The following HERC3 variants were observed in gnomAD, a reference collection of about 807,000 sequenced individuals.
HERC3 encodes the protein probable E3 ubiquitin-protein ligase HERC3.
In HERC3, 58 loss-of-function variants were observed where a neutral mutation model predicts 129.9. The ratio of observed to expected loss-of-function variants is 0.45; its 90% CI spans 0.36 to 0.56. The LOEUF is 0.56. Ranked by LOEUF, HERC3 falls within the 20% of genes least tolerant of loss-of-function variation. The pLI, the probability that HERC3 is intolerant of heterozygous loss-of-function variation, is 0.00. For synonymous variants in HERC3, 430 were observed against 451.0 expected, an observed-to-expected ratio of 0.95 and a Z score of 0.59; for missense variants, 835 against 1,244.2, an observed-to-expected ratio of 0.67 and a Z score of 4.95.
intron 3 of HERC3, among the ~76,000 whole-genome samples, chr4:88,619,940 A>G (rs1475015680): frequency 1.3e-5 from 2 of 152,234 alleles, no homozygotes; most frequent in African/African-American, 2.4e-5. Flanking sequence ...TCACTCATGT[A>G]GGAAAATGGG....
chr4:88,628,196 TAAGTTTTTGCTACATG>T (rs1726340609), intron 3 of HERC3, among the ~76,000 whole-genome samples: 1 of 152,232 alleles, frequency 6.6e-6, no homozygotes, highest in Non-Finnish European at 1.5e-5. Flanking sequence ...TTTGGCTCTA[TAAGTTTTTGCTACATG>T]AATTTTTAAG....
At position 88,708,191 on chromosome 4, in the gene HERC3, T is replaced by C. The variant is rs982182005; in HGVS notation, c.*1231T>C. ...GTGTTTAAATCAAATATATGTATTTTAAAAATAATGACATGCTCAACCTTC... is the reference window on the plus strand; with the variant it reads ...GTGTTTAAATCAAATATATGTATTTCAAAAATAATGACATGCTCAACCTTC... On this transcript the variant is annotated 3_prime_UTR_variant, in exon 26 of 26. Transcript: ENST00000402738. 1.3e-5 allele frequency: 2 copies of C among 152,562 alleles called. No individual in the cohort carries two copies. Among genetic ancestry groups the C allele is most frequent in the African/African-American group, 4.8e-5 (2 of 41,436 alleles). The allele number at this position is 152,562 out of a possible 1,614,324, so 9.5% of individuals were successfully genotyped here. A position where few individuals can be genotyped will look rare whatever the true frequency, so the allele number is the denominator to read the frequency against.
In HERC3 at chr4:88,670,214, G is replaced by A; in HGVS notation, c.1873G>A (p.Glu625Lys). 12 of 1,612,898 alleles carry A rather than the reference G, an allele frequency of 7.4e-6. No individual in the cohort carries two copies. Among genetic ancestry groups the A allele is most frequent in the Non-Finnish European group, 1.0e-5 (12 of 1,179,004 alleles). Residue 625 changes from glutamate to lysine, a missense_variant, in exon 16 of 26, where the codon GAA (glutamate) becomes AAA (lysine). Physicochemically the swap from Glu to Lys is moderately conservative, Grantham distance 56. Coordinates refer to ENST00000402738, the MANE Select transcript of HERC3 (RefSeq NM_014606.3). The stretch of plus-strand genomic sequence containing the variant: ...GATTTCCAATCTCGTGGACATTCAG[G>A]AAGACTACCTCATGTGGTTCTTGCA... ...PEISNLVDIQEDYLMWFLHQA... is the reference protein window; with the variant it reads ...PEISNLVDIQKDYLMWFLHQA...
intron 3 of HERC3, among the ~76,000 whole-genome samples, chr4:88,642,996 A>G (rs1425052998): frequency 6.6e-6 from 1 of 152,178 alleles, no homozygotes; most frequent in Non-Finnish European, 1.5e-5. Context: ...AATTCTTTCT[A>G]TTAAAAATTG....
rs184474830 is a variant in HERC3, at chr4:88,606,059, C to T, written c.226+10C>T. The stretch of plus-strand genomic sequence containing the variant: ...GAAGGAAACAAGCCAGGTAAGTGCA[C>T]CTTATCTGTCTTGATTATTGGTGAG... On this transcript the variant is annotated intron_variant, in intron 3 of 25. Transcript: ENST00000402738. 6,773 of 1,599,154 alleles carry T rather than the reference C, an allele frequency of 4.2e-3. 23 individuals are homozygous for T. The highest frequency in any genetic ancestry group is 5.2e-3 in the Non-Finnish European group (6,072 of 1,167,776).
upstream of HERC3, among the ~76,000 whole-genome samples, chr4:88,590,336 G>A (rs1417172956): frequency 2.6e-5 from 4 of 151,758 alleles, no homozygotes; most frequent in African/African-American, 9.7e-5. Flanking sequence ...CGAGGTGGGC[G>A]GATCACGAGG....
the HERC3 span, among the ~76,000 whole-genome samples, chr4:88,549,940 G>A: frequency 1.3e-5 from 2 of 152,128 alleles, no homozygotes; most frequent in Admixed American, 6.6e-5. Flanking sequence ...GTCAGGATAC[G>A]CGAACAGGAG....
chr4:88,537,113 C>A, the HERC3 span, among the ~76,000 whole-genome samples: 2 of 152,092 alleles, frequency 1.3e-5, no homozygotes, highest in Non-Finnish European at 2.9e-5. Flanking sequence ...CACCACAGGA[C>A]AATTATCAAA....
the HERC3 span, among the ~76,000 whole-genome samples, chr4:88,558,071 C>CAAAA: frequency 5.1e-5 from 2 of 39,156 alleles, no homozygotes; most frequent in Non-Finnish European, 1.3e-4. Flanking sequence ...GACTCTGACT[C>CAAAA]AAAAAAAAAA....
the HERC3 span, among the ~76,000 whole-genome samples, chr4:88,586,121 G>A: frequency 6.6e-6 from 1 of 152,152 alleles, no homozygotes; most frequent in African/African-American, 2.4e-5. Flanking sequence ...TATATTCACT[G>A]TGTTTAGCTA....
chr4:88,528,248 G>C, the HERC3 span: 3 of 155,398 alleles, frequency 1.9e-5, no homozygotes, highest in African/African-American at 7.2e-5. Flanking sequence ...AGTTCTAAAT[G>C]GTCACCTGCT....
At chr4:88,629,394 A>G (rs190850967) in intron 3 of HERC3, among the ~76,000 whole-genome samples, 58 of 152,362 alleles carry the variant, frequency 3.8e-4, no homozygotes, top group Non-Finnish European at 6.8e-4. Flanking sequence ...TTTATAACCT[A>G]CTTTTCCACT....
intron 23 of HERC3, among the ~76,000 whole-genome samples, chr4:88,701,509 A>G (rs576119946): frequency 6.6e-6 from 1 of 152,360 alleles, no homozygotes; most frequent in East Asian, 1.9e-4. Context: ...TATCTTCATG[A>G]TGTGAAGTTT....
the HERC3 span, chr4:88,583,605 C>T: frequency 7.9e-5 from 12 of 152,096 alleles, no homozygotes; most frequent in African/African-American, 2.9e-4. Context: ...TAAGTTTAAT[C>T]TTATAAATCT....
At chr4:88,527,365 C>G in the HERC3 span, among the ~76,000 whole-genome samples, 45 of 152,156 alleles carry the variant, frequency 3.0e-4, no homozygotes, top group African/African-American at 1.0e-3. Flanking sequence ...AATCCTCCCA[C>G]CTCAGCTTCC....
At chr4:88,575,014 G>C in the HERC3 span, among the ~76,000 whole-genome samples, 1 of 152,018 alleles carries the variant, frequency 6.6e-6, no homozygotes, top group African/African-American at 2.4e-5. Context: ...TGGCTTTATA[G>C]ACTGTTTATT....
chr4:88,535,555 A>G, the HERC3 span, among the ~76,000 whole-genome samples: 2 of 152,134 alleles, frequency 1.3e-5, no homozygotes, highest in African/African-American at 2.4e-5. Context: ...AAATGATACC[A>G]CCATCTTCTG....
chr4:88,665,202 G>A (rs1442902676), intron 12 of HERC3, among the ~76,000 whole-genome samples: 4 of 152,178 alleles, frequency 2.6e-5, no homozygotes, highest in African/African-American at 4.8e-5. Context: ...GATTTACTAC[G>A]GGAATTGGTT....
chr4:88,577,721 A>G, the HERC3 span, among the ~76,000 whole-genome samples: 1 of 150,150 alleles, frequency 6.7e-6, no homozygotes, highest in African/African-American at 2.5e-5. Context: ...TTCTGTCTCC[A>G]TAAACAGATT....
Sources: allele counts gnomAD v4.1 joint callset (sites outside exome capture counted in the v4.1 genomes callset), GRCh38; gene constraint gnomAD v4.1.1; transcripts MANE v1.5; gene names NCBI Gene and HGNC (gene_info 2026-07-23, HGNC 2026-07-21).